The following PDZRN4 variants were observed in gnomAD, a reference collection of about 807,000 sequenced individuals.
PDZRN4 encodes PDZ domain containing ring finger 4.
Under a neutral mutation model 99.0 loss-of-function variants are expected in PDZRN4, and 70 were observed. That is an observed-to-expected ratio of 0.71 (90% CI 0.58 to 0.86). The LOEUF (loss-of-function observed/expected upper bound fraction) is 0.86, where lower values mean the gene tolerates loss of function less well. Ranked by LOEUF, PDZRN4 falls within the 40% of genes least tolerant of loss-of-function variation. PDZRN4 has a pLI of 0.00. For synonymous variants in PDZRN4, 551 were observed against 501.6 expected (o/e 1.10, Z -1.32); for missense variants, 1,474 against 1,331.2 (o/e 1.11, Z -1.67).
rs1226843162 is a variant in PDZRN4, at chr12:41,329,870, AAGTT to A, written c.843+135683_843+135686del. Among the ~76,000 whole-genome samples the A allele has an allele frequency of 2.0e-5, 3 of 152,110 alleles. No homozygotes were observed. The East Asian group carries it at 5.8e-4, about 29-fold the overall frequency. On this transcript the variant is annotated intron_variant, in intron 3 of 9. Coordinates refer to ENST00000402685, the MANE Select transcript of PDZRN4 (RefSeq NM_001164595.2). Reference sequence around the variant, plus strand: ...TTCAAGCCAAGTACTGTTTTTACTCAAGTTGATCAGACCTGACACCTAAGGATGA... The same window carrying A: ...TTCAAGCCAAGTACTGTTTTTACTCAGATCAGACCTGACACCTAAGGATGA...
intron 3 of PDZRN4, among the ~76,000 whole-genome samples, chr12:41,263,892 A>G (rs1951260656): frequency 6.6e-6 from 1 of 152,168 alleles, no homozygotes; most frequent in Admixed American, 6.5e-5. Flanking sequence ...TGTATTGATA[A>G]TAGGTTTACA....
intron 3 of PDZRN4, among the ~76,000 whole-genome samples, chr12:41,492,577 C>A (rs1278599420): frequency 2.0e-5 from 3 of 152,058 alleles, no homozygotes; most frequent in Admixed American, 1.3e-4. Flanking sequence ...CTCATTCAGT[C>A]ATTTAAAAGG....
intron 3 of PDZRN4, among the ~76,000 whole-genome samples, chr12:41,420,292 TCC>T (rs1178123561): frequency 6.6e-6 from 1 of 152,208 alleles, no homozygotes; most frequent in Non-Finnish European, 1.5e-5. Flanking sequence ...GTACTCTGTC[TCC>T]CTTCAGCATC....
At chr12:41,194,869 G>A (rs1403044994) in intron 3 of PDZRN4, among the ~76,000 whole-genome samples, 2 of 151,982 alleles carry the variant, frequency 1.3e-5, no homozygotes, top group African/African-American at 2.4e-5. Context: ...TTCTGATGAG[G>A]AACTATGATT....
chr12:41,475,067 T>A (rs1223735815), intron 3 of PDZRN4, among the ~76,000 whole-genome samples: 1 of 152,188 alleles, frequency 6.6e-6, no homozygotes, highest in African/African-American at 2.4e-5. Context: ...GGTTACAGTA[T>A]ATCATAATAA....
At chr12:41,450,659 T>G (rs891862944) in intron 3 of PDZRN4, among the ~76,000 whole-genome samples, 4 of 141,740 alleles carry the variant, frequency 2.8e-5, no homozygotes, top group African/African-American at 1.1e-4. Context: ...CCGTGGCTCA[T>G]GCCTGTAATC....
intron 3 of PDZRN4, among the ~76,000 whole-genome samples, chr12:41,308,484 T>C (rs906253963): frequency 5.9e-5 from 9 of 152,142 alleles, no homozygotes; most frequent in Middle Eastern, 3.2e-3. Flanking sequence ...AGTGAGTCAG[T>C]TGGAAACTAG....
intron 3 of PDZRN4, among the ~76,000 whole-genome samples, chr12:41,435,783 G>A (rs889085582): frequency 6.6e-5 from 10 of 152,042 alleles, no homozygotes; most frequent in African/African-American, 1.9e-4. Context: ...GCAAGACTCT[G>A]TCTCAAAAAA....
chr12:41,251,129 G>A (rs529880742), intron 3 of PDZRN4, among the ~76,000 whole-genome samples: 18 of 152,254 alleles, frequency 1.2e-4, no homozygotes, highest in Middle Eastern at 3.4e-3. Context: ...TTTTTCTGCA[G>A]CTGATCTGGG....
chr12:41,246,273 G>T (rs7313218), intron 3 of PDZRN4, among the ~76,000 whole-genome samples: 86,056 of 151,866 alleles, frequency 0.57, 24,463 homozygotes, highest in East Asian at 0.65. Context: ...ATTCATCGAG[G>T]TTTTAAAACA....
At chr12:41,519,299 G>A (rs1301930527) in intron 5 of PDZRN4, among the ~76,000 whole-genome samples, 2 of 152,024 alleles carry the variant, frequency 1.3e-5, no homozygotes, top group Non-Finnish European at 2.9e-5. Flanking sequence ...CATTTACGGT[G>A]TTGCTGGGCT....
At chr12:41,324,122 A>G (rs777106434) in intron 3 of PDZRN4, among the ~76,000 whole-genome samples, 13 of 152,114 alleles carry the variant, frequency 8.5e-5, no homozygotes, top group Admixed American at 2.0e-4. Flanking sequence ...ATTCATTATG[A>G]TATGGAGTGA....
intron 3 of PDZRN4, among the ~76,000 whole-genome samples, chr12:41,502,834 A>G (rs1938134364): frequency 6.6e-6 from 1 of 152,150 alleles, no homozygotes; most frequent in African/African-American, 2.4e-5. Context: ...TAGAATAATA[A>G]GTAAGGATAT....
intron 3 of PDZRN4, among the ~76,000 whole-genome samples, chr12:41,307,857 A>T (rs192512792): frequency 3.7e-4 from 56 of 152,272 alleles, no homozygotes; most frequent in African/African-American, 1.3e-3. Flanking sequence ...ATATTATTTC[A>T]TCTAATCTAT....
chr12:41,463,421 T>C (rs969948960), intron 3 of PDZRN4, among the ~76,000 whole-genome samples: 1 of 152,164 alleles, frequency 6.6e-6, no homozygotes. Flanking sequence ...ATTATTCAGA[T>C]TTTGAGGATT....
chr12:41,296,474 A>G (rs1282049837), intron 3 of PDZRN4, among the ~76,000 whole-genome samples: 1 of 152,160 alleles, frequency 6.6e-6, no homozygotes, highest in Non-Finnish European at 1.5e-5. Flanking sequence ...AAGTTAGATG[A>G]AAGTTTAACA....
chr12:41,524,465 T>C (rs1189200559), intron 5 of PDZRN4, among the ~76,000 whole-genome samples: 1 of 152,144 alleles, frequency 6.6e-6, no homozygotes, highest in African/African-American at 2.4e-5. Context: ...GAGCTGGTAT[T>C]CACATTGTGG....
intron 3 of PDZRN4, among the ~76,000 whole-genome samples, chr12:41,495,590 G>C (rs769501999): frequency 3.3e-5 from 5 of 152,018 alleles, no homozygotes; most frequent in Non-Finnish European, 7.4e-5. Flanking sequence ...TTCCTAAATG[G>C]TTTCCCTGCT....
chr12:41,208,599 T>A (rs543545501), intron 3 of PDZRN4, among the ~76,000 whole-genome samples: 6 of 151,998 alleles, frequency 3.9e-5, no homozygotes, highest in Admixed American at 1.3e-4. Flanking sequence ...ATATCCAGAT[T>A]AATTCCTTAC....
Sources: allele counts gnomAD v4.1 joint callset (sites outside exome capture counted in the v4.1 genomes callset), GRCh38; gene constraint gnomAD v4.1.1; transcripts MANE v1.5; gene names NCBI Gene and HGNC (gene_info 2026-07-23, HGNC 2026-07-21).